LGR4: variants seen among roughly 807,000 people sequenced by gnomAD.
LGR4 encodes the protein leucine-rich repeat-containing G protein-coupled receptor 4.
A neutral mutation model predicts 84.8 loss-of-function variants in LGR4; 44 were observed. That is an observed-to-expected ratio of 0.52 (90% confidence interval 0.41 to 0.67). The LOEUF (loss-of-function observed/expected upper bound fraction) is 0.67, where lower values mean the gene tolerates loss of function less well. LGR4 is among the 30% of genes least tolerant of loss of function. The pLI is 0.00. For missense variants in LGR4, 1,032 were observed against 1,131.4 expected (o/e 0.91, Z 1.26); for synonymous variants, 429 against 434.3 (o/e 0.99, Z 0.15).
chr11:27,442,458 T>C (rs1864319484), intron 1 of LGR4, among the ~76,000 whole-genome samples: 1 of 152,186 alleles, frequency 6.6e-6, no homozygotes, highest in South Asian at 2.1e-4. Flanking sequence ...TTTTACAATT[T>C]TAGGGGCCTC....
chr11:27,459,096 T>A (rs1444948851), intron 1 of LGR4, among the ~76,000 whole-genome samples: 3 of 152,164 alleles, frequency 2.0e-5, no homozygotes, highest in Non-Finnish European at 4.4e-5. Context: ...TGAAAGGCAA[T>A]AATTTCTTTT....
At chr11:27,430,463 A>C (rs2042785439) in intron 1 of LGR4, among the ~76,000 whole-genome samples, 1 of 152,186 alleles carries the variant, frequency 6.6e-6, no homozygotes, top group Non-Finnish European at 1.5e-5. Context: ...ATAACTTGAT[A>C]ATGACTATTT....
At chr11:27,437,255 T>C (rs1864227800) in intron 1 of LGR4, among the ~76,000 whole-genome samples, 1 of 152,146 alleles carries the variant, frequency 6.6e-6, no homozygotes, top group Non-Finnish European at 1.5e-5. Context: ...TCTTAGTAAT[T>C]TCTTCCCTAA....
At chr11:27,377,591 T>C (rs1456643689) in intron 11 of LGR4, among the ~76,000 whole-genome samples, 1 of 152,040 alleles carries the variant, frequency 6.6e-6, no homozygotes, top group Non-Finnish European at 1.5e-5. Context: ...TTTAAATTTG[T>C]ATTTATACGG....
intron 3 of LGR4, among the ~76,000 whole-genome samples, chr11:27,391,577 G>A (rs183261347): frequency 2.6e-5 from 4 of 152,244 alleles, no homozygotes; most frequent in Admixed American, 6.5e-5. Flanking sequence ...TTGGAATAAA[G>A]CAGAGCCCGG....
intron 6 of LGR4, among the ~76,000 whole-genome samples, chr11:27,383,485 A>G (rs996133886): frequency 6.6e-6 from 1 of 152,334 alleles, no homozygotes; most frequent in Admixed American, 6.5e-5. Context: ...ATCCTCTACA[A>G]GATTTTCAAC....
At chr11:27,435,169 T>C (rs2133425559) in intron 1 of LGR4, among the ~76,000 whole-genome samples, 1 of 152,106 alleles carries the variant, frequency 6.6e-6, no homozygotes, top group African/African-American at 2.4e-5. Context: ...AACCCATGTC[T>C]ACTAAAAATA....
At chr11:27,450,141 T>G (rs1864457473) in intron 1 of LGR4, among the ~76,000 whole-genome samples, 1 of 152,240 alleles carries the variant, frequency 6.6e-6, no homozygotes, top group African/African-American at 2.4e-5. Context: ...CTAGATCCTC[T>G]GAGCAAAATG....
intron 1 of LGR4, among the ~76,000 whole-genome samples, chr11:27,435,631 A>G (rs962889991): frequency 7.4e-5 from 11 of 149,476 alleles, no homozygotes; most frequent in Middle Eastern, 3.5e-3. Context: ...GGGATTACAG[A>G]TGCCTGCCAC....
chr11:27,441,071 G>C (rs549000872), intron 1 of LGR4, among the ~76,000 whole-genome samples: 26 of 152,138 alleles, frequency 1.7e-4, no homozygotes, highest in Non-Finnish European at 3.1e-4. Flanking sequence ...GGGAAATTGA[G>C]GCCCAGAGGA....
At chr11:27,413,693 A>T (rs1444924531) in intron 1 of LGR4, among the ~76,000 whole-genome samples, 1 of 152,084 alleles carries the variant, frequency 6.6e-6, no homozygotes, top group Non-Finnish European at 1.5e-5. Context: ...TCTGTGGCTG[A>T]GCCCTTGGGT....
intron 1 of LGR4, among the ~76,000 whole-genome samples, chr11:27,441,844 A>G (rs1365503118): frequency 6.6e-6 from 1 of 152,168 alleles, no homozygotes; most frequent in East Asian, 1.9e-4. Context: ...ACGGCAGGGG[A>G]GAGGATGGCA....
intron 2 of LGR4, among the ~76,000 whole-genome samples, chr11:27,407,958 T>C (rs1250905046): frequency 1.3e-5 from 2 of 152,072 alleles, no homozygotes; most frequent in African/African-American, 4.8e-5. Context: ...GAGTGAAGGG[T>C]ATATGAAAAA....
intron 1 of LGR4, among the ~76,000 whole-genome samples, chr11:27,436,235 C>T (rs540260822): frequency 2.6e-5 from 4 of 151,466 alleles, no homozygotes; most frequent in East Asian, 1.9e-4. Context: ...AAAGTCACCT[C>T]GAAATGATGT....
chr11:27,427,447 G>A (rs2133416517), intron 1 of LGR4, among the ~76,000 whole-genome samples: 1 of 152,250 alleles, frequency 6.6e-6, no homozygotes, highest in South Asian at 2.1e-4. Context: ...TGGGTTATGG[G>A]GCAGCACATT....
chr11:27,367,752 T>G lies in LGR4; in HGVS notation c.*115A>C. 1 of 713,118 alleles carries G rather than the reference T, an allele frequency of 1.4e-6. No individual in the cohort carries two copies. The highest frequency in any genetic ancestry group is 2.3e-5 in the South Asian group (1 of 44,008). The allele number at this position is 713,118 out of a possible 1,614,324, so 44.2% of individuals were successfully genotyped here. A position where few individuals can be genotyped will look rare whatever the true frequency, so the allele number is the denominator to read the frequency against. ...AATAAACTGCCACCTCTCCTTCTTCTAAGTGACACCAGGCAGTGATTACAG... is the reference window on the plus strand; with the variant it reads ...AATAAACTGCCACCTCTCCTTCTTCGAAGTGACACCAGGCAGTGATTACAG... On this transcript the variant is annotated 3_prime_UTR_variant, in exon 18 of 18. Transcript: ENST00000379214.
chr11:27,408,072 G>T (rs966618218), intron 2 of LGR4, among the ~76,000 whole-genome samples: 1 of 152,024 alleles, frequency 6.6e-6, no homozygotes, highest in Non-Finnish European at 1.5e-5. Flanking sequence ...TTATTATCAT[G>T]GATTGAATTA....
Position 27,367,852 on chromosome 11 carries a change from T to TAC in LGR4, c.*13_*14dup. Reference sequence around the variant, plus strand: ...GATTTTGGTTGACGGGGGAAACGGTTACACACACAGTAGTTCAGTCTTTAA... The same window carrying TAC: ...GATTTTGGTTGACGGGGGAAACGGTTACACACACACAGTAGTTCAGTCTTTAA... On this transcript the variant is annotated 3_prime_UTR_variant, in exon 18 of 18. Coordinates refer to ENST00000379214, the MANE Select transcript of LGR4 (RefSeq NM_018490.5). 3 of 1,553,238 alleles carry TAC rather than the reference T, an allele frequency of 1.9e-6. No individual in the cohort carries two copies. Among genetic ancestry groups the TAC allele is most frequent in the Non-Finnish European group, 2.6e-6 (3 of 1,154,356 alleles).
In LGR4 at chr11:27,470,280, C is replaced by G. The variant is rs1456596530; in HGVS notation, c.185+1838G>C. 3.3e-5 allele frequency among the ~76,000 whole-genome samples: 5 copies of G among 152,182 alleles called. No homozygotes were observed. In the East Asian group the frequency reaches 9.6e-4, roughly 29 times the overall value. The stretch of plus-strand genomic sequence containing the variant: ...ATTTCACCACCTTCAGTGAGTTCTA[C>G]CAGAAGATGCTTTGGAGAGAGGAGT... On this transcript the variant is annotated intron_variant, in intron 1 of 17. Transcript: ENST00000379214.
Sources: allele counts gnomAD v4.1 joint callset (sites outside exome capture counted in the v4.1 genomes callset), GRCh38; gene constraint gnomAD v4.1.1; transcripts MANE v1.5; gene names NCBI Gene and HGNC (gene_info 2026-07-23, HGNC 2026-07-21).